Variants in ARB2A observed in about 807,000 individuals in gnomAD.
The protein encoded by ARB2A is cotranscriptional regulator ARB2A.
At chr5:93,896,524 A>T in the ARB2A span, among the ~76,000 whole-genome samples, 1 of 152,080 alleles carries the variant, frequency 6.6e-6, no homozygotes, top group Non-Finnish European at 1.5e-5. Flanking sequence ...TGTATATGCA[A>T]ATACTGCAAA....
chr5:94,069,420 A>G, the ARB2A span, among the ~76,000 whole-genome samples: 3 of 152,332 alleles, frequency 2.0e-5, no homozygotes, highest in Admixed American at 2.0e-4. Flanking sequence ...AGCATTAACA[A>G]AAAAAGACAA....
chr5:93,661,417 T>G, the ARB2A span, among the ~76,000 whole-genome samples: 1 of 152,204 alleles, frequency 6.6e-6, no homozygotes, highest in Admixed American at 6.5e-5. Flanking sequence ...GAAGCTACAT[T>G]GCTTATGACC....
the ARB2A span, among the ~76,000 whole-genome samples, chr5:93,854,981 A>T: frequency 5.9e-5 from 9 of 152,066 alleles, no homozygotes; most frequent in Non-Finnish European, 1.3e-4. Context: ...GGTCTGCATG[A>T]TGCAGAGCTG....
the ARB2A span, among the ~76,000 whole-genome samples, chr5:93,893,917 A>G: frequency 6.6e-6 from 1 of 152,190 alleles, no homozygotes; most frequent in African/African-American, 2.4e-5. Context: ...TAAAACTTAC[A>G]GACATTACCA....
chr5:94,025,586 A>G, the ARB2A span, among the ~76,000 whole-genome samples: 1 of 152,284 alleles, frequency 6.6e-6, no homozygotes, highest in East Asian at 1.9e-4. Flanking sequence ...TTAAGAGACT[A>G]AAGACCTAAG....
chr5:93,965,315 A>G, the ARB2A span, among the ~76,000 whole-genome samples: 2 of 152,020 alleles, frequency 1.3e-5, no homozygotes, highest in Non-Finnish European at 2.9e-5. Flanking sequence ...AGTTTACAAC[A>G]GTAAGAAAAT....
the ARB2A span, chr5:94,050,849 C>T: frequency 1.3e-6 from 2 of 1,513,246 alleles, no homozygotes; most frequent in Non-Finnish European, 1.8e-6. Context: ...GATAAACAAA[C>T]AATATTGCTA....
the ARB2A span, among the ~76,000 whole-genome samples, chr5:93,932,228 A>C: frequency 3.9e-5 from 6 of 152,172 alleles, no homozygotes; most frequent in Non-Finnish European, 7.4e-5. Flanking sequence ...ATTTTCAGGA[A>C]TTTTTGTGAG....
chr5:93,711,778 C>T, the ARB2A span, among the ~76,000 whole-genome samples: 6 of 152,244 alleles, frequency 3.9e-5, no homozygotes, highest in African/African-American at 1.4e-4. Flanking sequence ...CCTGCAGCTT[C>T]GCTGCTAGAA....
the ARB2A span, among the ~76,000 whole-genome samples, chr5:93,972,599 C>A: frequency 4.6e-5 from 7 of 152,176 alleles, no homozygotes; most frequent in Admixed American, 1.3e-4. Flanking sequence ...AGCAATGGAT[C>A]CTAACCAGAA....
the ARB2A span, among the ~76,000 whole-genome samples, chr5:93,857,569 G>T: frequency 6.6e-6 from 1 of 152,142 alleles, no homozygotes; most frequent in South Asian, 2.1e-4. Flanking sequence ...GAGACTCCAT[G>T]GGCGTAGGAC....
At chr5:94,005,025 A>AAAAAAAG in the ARB2A span, among the ~76,000 whole-genome samples, 10 of 110,130 alleles carry the variant, frequency 9.1e-5, no homozygotes, top group African/African-American at 3.7e-4. Flanking sequence ...AAAAAAAAAA[A>AAAAAAAG]AGAGAGAGGA....
chr5:93,763,099 A>T, the ARB2A span, among the ~76,000 whole-genome samples: 1 of 152,232 alleles, frequency 6.6e-6, no homozygotes, highest in Non-Finnish European at 1.5e-5. Flanking sequence ...AACATGCCAA[A>T]TTGTAAAGAC....
At chr5:93,763,734 C>A in the ARB2A span, among the ~76,000 whole-genome samples, 13 of 152,316 alleles carry the variant, frequency 8.5e-5, no homozygotes, top group African/African-American at 2.9e-4. Context: ...CCCAAATCAA[C>A]AGAATATACA....
At chr5:93,664,634 A>AAT in the ARB2A span, among the ~76,000 whole-genome samples, 796 of 145,934 alleles carry the variant, frequency 5.5e-3, 6 homozygotes, top group East Asian at 0.015. Context: ...TCGTCTCAAA[A>AAT]ATATATATAT....
the ARB2A span, chr5:93,865,602 CACTTGGG>C: frequency 6.1e-6 from 6 of 985,246 alleles, no homozygotes; most frequent in African/African-American, 1.0e-4. Flanking sequence ...ACAATTAGGA[CACTTGGG>C]GCTAACATCT....
the ARB2A span, among the ~76,000 whole-genome samples, chr5:93,832,076 G>T: frequency 6.6e-6 from 1 of 152,074 alleles, no homozygotes; most frequent in East Asian, 1.9e-4. Context: ...GACTAAAAAA[G>T]ATATAGAAAA....
the ARB2A span, among the ~76,000 whole-genome samples, chr5:93,896,782 G>A: frequency 1.4e-4 from 22 of 152,078 alleles, no homozygotes; most frequent in East Asian, 3.9e-3. Context: ...AAAATGACAC[G>A]TGAGCCCAAG....
chr5:93,722,472 G>A, the ARB2A span, among the ~76,000 whole-genome samples: 1 of 151,954 alleles, frequency 6.6e-6, no homozygotes, highest in Non-Finnish European at 1.5e-5. Context: ...AAAGCTGAAA[G>A]GGAAAAAGTT....
Sources: allele counts gnomAD v4.1 joint callset (sites outside exome capture counted in the v4.1 genomes callset), GRCh38; gene constraint gnomAD v4.1.1; transcripts MANE v1.5; gene names NCBI Gene and HGNC (gene_info 2026-07-23, HGNC 2026-07-21).